METTL15: variants seen among roughly 807,000 people sequenced by gnomAD.
METTL15 encodes 12S rRNA N(4)-cytidine methyltransferase METTL15.
A neutral mutation model predicts 38.3 loss-of-function variants in METTL15; 34 were observed. That is an observed-to-expected ratio of 0.89 (90% confidence interval 0.68 to 1.18). The LOEUF (loss-of-function observed/expected upper bound fraction) is 1.18, where lower values mean the gene tolerates loss of function less well. Among genes scored for constraint, METTL15 ranks in the 50% most tolerant of loss-of-function variants. The pLI is 0.00. For synonymous variants in METTL15, 162 were observed against 170.9 expected (o/e 0.95, Z 0.41); for missense variants, 438 against 498.4 (o/e 0.88, Z 1.15).
chr11:28,109,321 G>T (rs1404290781), intron 1 of METTL15, among the ~76,000 whole-genome samples: 1 of 152,110 alleles, frequency 6.6e-6, no homozygotes, highest in African/African-American at 2.4e-5. Context: ...ATGGTTATTT[G>T]TGTGCTGCTG....
intron 5 of METTL15, among the ~76,000 whole-genome samples, chr11:28,421,237 A>G (rs556951100): frequency 2.0e-5 from 3 of 152,132 alleles, no homozygotes; most frequent in African/African-American, 7.2e-5. Context: ...TCCCAGCAGA[A>G]AAAAGCCTAG....
intron 6 of METTL15, among the ~76,000 whole-genome samples, chr11:28,429,903 G>A (rs1473844166): frequency 1.8e-5 from 2 of 110,864 alleles, no homozygotes; most frequent in African/African-American, 7.2e-5. Flanking sequence ...ATCCCATCTA[G>A]GAAGTGAGGA....
chr11:28,129,105 A>G (rs2133625959), intron 3 of METTL15, among the ~76,000 whole-genome samples: 1 of 152,356 alleles, frequency 6.6e-6, no homozygotes, highest in South Asian at 2.1e-4. Flanking sequence ...GGAGAAAGAA[A>G]CATGTTCTAA....
intron 5 of METTL15, among the ~76,000 whole-genome samples, chr11:28,423,310 G>T (rs1244350354): frequency 6.6e-6 from 1 of 151,992 alleles, no homozygotes; most frequent in Non-Finnish European, 1.5e-5. Flanking sequence ...ACTAAAAACA[G>T]AGCTATCATG....
intron 5 of METTL15, among the ~76,000 whole-genome samples, chr11:28,378,397 G>C (rs375322618): frequency 6.6e-6 from 1 of 152,216 alleles, no homozygotes; most frequent in African/African-American, 2.4e-5. Context: ...CGCAGTATTC[G>C]GGTGGGAGTG....
downstream of METTL15, among the ~76,000 whole-genome samples, chr11:28,335,307 G>T (rs1401584284): frequency 3.3e-5 from 5 of 152,162 alleles, no homozygotes; most frequent in Non-Finnish European, 5.9e-5. Flanking sequence ...ATTGGCTGGG[G>T]ACTCAGAAAA....
At chr11:28,511,457 A>C (rs181459526) in intron 6 of METTL15, among the ~76,000 whole-genome samples, 18 of 152,314 alleles carry the variant, frequency 1.2e-4, no homozygotes, top group Middle Eastern at 3.4e-3. Context: ...CACTGACTTC[A>C]AGAATGAAGC....
At chr11:28,217,514 T>A (rs572707949) in intron 4 of METTL15, among the ~76,000 whole-genome samples, 1 of 152,292 alleles carries the variant, frequency 6.6e-6, no homozygotes, top group East Asian at 1.9e-4. Flanking sequence ...AGGTTGCCTG[T>A]TCACTCTGAT....
chr11:28,343,050 C>G (rs1020373222), intron 3 of METTL15, among the ~76,000 whole-genome samples: 2 of 152,078 alleles, frequency 1.3e-5, no homozygotes, highest in Admixed American at 6.6e-5. Flanking sequence ...CTGCTTTTCT[C>G]TTTTGGATGA....
chr11:28,198,773 G>T (rs1460968931), intron 3 of METTL15, among the ~76,000 whole-genome samples: 1 of 152,064 alleles, frequency 6.6e-6, no homozygotes, highest in African/African-American at 2.4e-5. Flanking sequence ...GGACTTCTGT[G>T]TTCACAGTTA....
chr11:28,279,634 C>G (rs1236141102), intron 4 of METTL15, among the ~76,000 whole-genome samples: 3 of 152,152 alleles, frequency 2.0e-5, no homozygotes, highest in African/African-American at 7.2e-5. Context: ...GGTGCGGTGG[C>G]TCACGCCTGT....
chr11:28,473,388 G>A (rs535645429), intron 6 of METTL15, among the ~76,000 whole-genome samples: 28 of 152,164 alleles, frequency 1.8e-4, no homozygotes, highest in Middle Eastern at 3.4e-3. Flanking sequence ...GGCTAATTAC[G>A]TTTTCATGTT....
intron 6 of METTL15, among the ~76,000 whole-genome samples, chr11:28,445,813 G>A (rs1851070599): frequency 6.6e-6 from 1 of 151,818 alleles, no homozygotes; most frequent in African/African-American, 2.4e-5. Context: ...CACCATACCT[G>A]GCTAATTTTT....
At chr11:28,270,938 A>C (rs368036357) in intron 4 of METTL15, among the ~76,000 whole-genome samples, 164 of 152,318 alleles carry the variant, frequency 1.1e-3, no homozygotes, top group African/African-American at 2.2e-3. Flanking sequence ...GAATAGGGGA[A>C]TATAATATCA....
intron 3 of METTL15, among the ~76,000 whole-genome samples, chr11:28,121,592 A>G (rs932294614): frequency 2.6e-5 from 4 of 152,148 alleles, no homozygotes; most frequent in South Asian, 2.1e-4. Context: ...ATTATAGTAC[A>G]CATTTTAGAA....
downstream of METTL15, among the ~76,000 whole-genome samples, chr11:28,337,282 G>T (rs1319693392): frequency 1.3e-5 from 2 of 151,280 alleles, no homozygotes; most frequent in African/African-American, 4.9e-5. Context: ...TTTTTTTTAA[G>T]ATACAGAGTC....
At chr11:28,514,073 A>G (rs752557900) in intron 6 of METTL15, among the ~76,000 whole-genome samples, 1 of 152,218 alleles carries the variant, frequency 6.6e-6, no homozygotes. Context: ...TGTGGTAGAC[A>G]TTGTAATTAT....
chr11:28,391,750 C>G (rs1329809318), intron 5 of METTL15, among the ~76,000 whole-genome samples: 1 of 152,142 alleles, frequency 6.6e-6, no homozygotes, highest in Non-Finnish European at 1.5e-5. Flanking sequence ...GCTGGGAAAA[C>G]TGGCTAGCCA....
intron 6 of METTL15, among the ~76,000 whole-genome samples, chr11:28,478,988 G>A (rs971321806): frequency 6.6e-6 from 1 of 151,938 alleles, no homozygotes; most frequent in African/African-American, 2.4e-5. Context: ...TATTTGGCAG[G>A]CGTTCTTACT....
Sources: gnomAD v4.1 joint callset for allele counts (sites outside exome capture counted in the v4.1 genomes callset) on GRCh38, gnomAD v4.1.1 for gene constraint, MANE v1.5 for transcripts, NCBI Gene and HGNC (gene_info 2026-07-23, HGNC 2026-07-21) for gene names.